The following ETV6 variants were observed in gnomAD, a reference collection of about 807,000 sequenced individuals.
The protein encoded by ETV6 is transcription factor ETV6.
Under a neutral mutation model 51.1 loss-of-function variants are expected in ETV6, and 16 were observed. The ratio of observed to expected loss-of-function variants is 0.31; its 90% CI spans 0.21 to 0.48. The LOEUF is 0.48. Among genes scored for constraint, ETV6 ranks in the 20% least tolerant of loss-of-function variants. The pLI, the probability that ETV6 is intolerant of heterozygous loss-of-function variation, is 0.99. For missense variants in ETV6, 458 were observed against 594.8 expected (o/e 0.77, Z 2.39); for synonymous variants, 240 against 224.1 (o/e 1.07, Z -0.64).
At chr12:11,799,485 A>C (rs1318887184) in intron 2 of ETV6, among the ~76,000 whole-genome samples, 1 of 152,088 alleles carries the variant, frequency 6.6e-6, no homozygotes. Context: ...CTCCATCCCA[A>C]CTTAAGTATG....
chr12:11,714,604 C>T lies in ETV6; in HGVS notation c.34-37846C>T, dbSNP rs77951395. On this transcript the variant is annotated intron_variant, in intron 1 of 7. Coordinates refer to ENST00000396373, the MANE Select transcript of ETV6 (RefSeq NM_001987.5). Reference sequence around the variant, plus strand: ...GACGGAAAAAGCACAACTTATAGTCCAGCTATAGAGACAGACTTTTAGGTA... The same window carrying T: ...GACGGAAAAAGCACAACTTATAGTCTAGCTATAGAGACAGACTTTTAGGTA... Among the ~76,000 whole-genome samples the T allele has an allele frequency of 4.3e-3, 618 of 142,892 alleles. 4 individuals are homozygous for T. Among genetic ancestry groups the T allele is most frequent in the African/African-American group, 0.016 (599 of 36,848 alleles). The allele number at this position is 142,892 out of a possible 152,430, so 93.7% of individuals were successfully genotyped here. A position where few individuals can be genotyped will look rare whatever the true frequency, so the allele number is the denominator to read the frequency against.
chr12:11,696,891 A>T lies in ETV6; in HGVS notation c.33+46731A>T, dbSNP rs1320683458. Among the ~76,000 whole-genome samples the T allele has an allele frequency of 2.0e-5, 3 of 152,204 alleles. No homozygotes were observed. The East Asian group carries it at 5.8e-4, about 29-fold the overall frequency. ...TATTGTATTTCCTCACTAGAATGCA[A>T]ACTCCTTGAGGGCAGAGACTATTTC... On this transcript the variant is annotated intron_variant, in intron 1 of 7. Transcript: ENST00000396373.
chr12:11,883,279 T>TTC (rs1565566859), intron 5 of ETV6, among the ~76,000 whole-genome samples: 162 of 8,022 alleles, frequency 0.02, no homozygotes, highest in Non-Finnish European at 0.026. Context: ...TCTTCTTCTT[T>TTC]TTTTTTTTTT....
At position 11,873,836 on chromosome 12, in the gene ETV6, G is replaced by C. The variant is rs1347039306; in HGVS notation, c.1009+3867G>C. ...AAGCACATGACATGTATCTTAGAAG[G>C]GCTCCTGTTAAGTACCACAGGAGGT... On this transcript the variant is annotated intron_variant, in intron 5 of 7. Coordinates refer to ENST00000396373, the MANE Select transcript of ETV6 (RefSeq NM_001987.5). 1.8e-5 allele frequency among the ~76,000 whole-genome samples: 2 copies of C among 111,508 alleles called. 1 individual carries two copies. The highest frequency in any genetic ancestry group is 3.6e-5 in the Non-Finnish European group (2 of 55,068). The allele number at this position is 111,508 out of a possible 152,430, so 73.2% of individuals were successfully genotyped here.
intron 5 of ETV6, among the ~76,000 whole-genome samples, chr12:11,876,496 A>G (rs760770708): frequency 3.3e-5 from 5 of 152,212 alleles, no homozygotes; most frequent in Non-Finnish European, 7.3e-5. Flanking sequence ...GTTTTCTCTT[A>G]AAGTACTTTA....
chr12:11,723,432 T>G lies in ETV6; in HGVS notation c.34-29018T>G, dbSNP rs559850810. 2.0e-5 allele frequency among the ~76,000 whole-genome samples: 3 copies of G among 152,278 alleles called. No individual in the cohort carries two copies. In the South Asian group the frequency reaches 6.2e-4, roughly 32 times the overall value. ...TTTCTTCCACTTTCAGTTATTCCTT[T>G]TTCCCTTCCATTCTTTCTTGCTCTT... On this transcript the variant is annotated intron_variant, in intron 1 of 7. Coordinates refer to ENST00000396373, the MANE Select transcript of ETV6 (RefSeq NM_001987.5).
chr12:11,809,000 C>CA (rs1382067801), intron 2 of ETV6, among the ~76,000 whole-genome samples: 1 of 151,856 alleles, frequency 6.6e-6, no homozygotes, highest in Non-Finnish European at 1.5e-5. Flanking sequence ...CCTATCTCTA[C>CA]AAAAAAATAC....
intron 1 of ETV6, among the ~76,000 whole-genome samples, chr12:11,717,954 C>G (rs1865309167): frequency 6.6e-6 from 1 of 152,078 alleles, no homozygotes; most frequent in African/African-American, 2.4e-5. Context: ...TCTCAACAGC[C>G]CCTTACCTCA....
At position 11,831,189 on chromosome 12, in the gene ETV6, T is replaced by TTGTG. The variant is rs553485682; in HGVS notation, c.164-7939_164-7936dup. On this transcript the variant is annotated intron_variant, in intron 2 of 7. Transcript: ENST00000396373. ...CTGATTAGCTCAATTTTTAAATAGT[T>TTGTG]TGTGTGTGTGTGTGTCTGTGTCTGT... Among the ~76,000 whole-genome samples, 4 of 151,678 alleles carry TTGTG rather than the reference T, an allele frequency of 2.6e-5. 1 individual carries two copies. In the South Asian group the frequency reaches 6.3e-4, roughly 24 times the overall value.
intron 7 of ETV6, among the ~76,000 whole-genome samples, chr12:11,886,584 T>C (rs2723807): frequency 0.81 from 122,786 of 152,082 alleles, 50,115 homozygotes; most frequent in Middle Eastern, 0.91. Context: ...TGTATGTACG[T>C]GATGAGTCAT....
At chr12:11,880,136 G>C (rs1051923252) in intron 5 of ETV6, among the ~76,000 whole-genome samples, 12 of 151,304 alleles carry the variant, frequency 7.9e-5, no homozygotes, top group African/African-American at 2.7e-4. Context: ...AATCAATAAT[G>C]TTATAAAAGC....
intron 2 of ETV6, among the ~76,000 whole-genome samples, chr12:11,773,975 AAGAG>A (rs1157335949): frequency 6.6e-6 from 1 of 152,068 alleles, no homozygotes; most frequent in African/African-American, 2.4e-5. Flanking sequence ...TGCCACAGAG[AAGAG>A]AGAGAGAGTG....
At chr12:11,710,565 T>C (rs1044298676) in intron 1 of ETV6, among the ~76,000 whole-genome samples, 3 of 152,228 alleles carry the variant, frequency 2.0e-5, no homozygotes, top group African/African-American at 4.8e-5. Context: ...GAGCGCTTGC[T>C]TCTGACGCTT....
chr12:11,650,811 T>A (rs2120589132), intron 1 of ETV6, among the ~76,000 whole-genome samples: 1 of 152,244 alleles, frequency 6.6e-6, no homozygotes, highest in South Asian at 2.1e-4. Flanking sequence ...CCGATCCATA[T>A]GAAAGTTGAG....
At chr12:11,779,449 G>A (rs529100067) in intron 2 of ETV6, among the ~76,000 whole-genome samples, 5 of 152,184 alleles carry the variant, frequency 3.3e-5, no homozygotes, top group Non-Finnish European at 2.9e-5. Flanking sequence ...AATCATTCAC[G>A]TCAAGAAAGG....
intron 1 of ETV6, among the ~76,000 whole-genome samples, chr12:11,660,386 C>T (rs1864079130): frequency 6.6e-6 from 1 of 151,812 alleles, no homozygotes; most frequent in Non-Finnish European, 1.5e-5. Context: ...GGGTGAATCA[C>T]CTGAGGTCAG....
chr12:11,890,427 C>CTTTTTT (rs11316604), intron 7 of ETV6, among the ~76,000 whole-genome samples: 1 of 143,408 alleles, frequency 7.0e-6, no homozygotes, highest in African/African-American at 2.6e-5. Context: ...ACAGCCTAGA[C>CTTTTTT]TTTTTTTTTT....
intron 3 of ETV6, among the ~76,000 whole-genome samples, chr12:11,846,528 C>T (rs138904872): frequency 2.9e-3 from 441 of 152,060 alleles, no homozygotes; most frequent in Admixed American, 5.0e-3. Context: ...ATAATAAGAA[C>T]GTTTAAACTA....
At chr12:11,650,673 C>T (rs2120588489) in intron 1 of ETV6, among the ~76,000 whole-genome samples, 1 of 151,724 alleles carries the variant, frequency 6.6e-6, no homozygotes, top group African/African-American at 2.4e-5. Flanking sequence ...GATTTTTTTC[C>T]CCCTCGTCTG....
Sources: gnomAD v4.1 joint callset for allele counts (sites outside exome capture counted in the v4.1 genomes callset) on GRCh38, gnomAD v4.1.1 for gene constraint, MANE v1.5 for transcripts, NCBI Gene and HGNC (gene_info 2026-07-23, HGNC 2026-07-21) for gene names.